Variants in FNIP1 observed in about 807,000 individuals in gnomAD.
The protein encoded by FNIP1 is folliculin interacting protein 1.
Under a neutral mutation model 124.5 loss-of-function variants are expected in FNIP1, and 40 were observed. The observed-to-expected ratio is 0.32, with a 90% CI of 0.25 to 0.42. The LOEUF (loss-of-function observed/expected upper bound fraction) is 0.42. Ranked by LOEUF, FNIP1 falls within the 10% of genes least tolerant of loss-of-function variation. FNIP1 has a pLI of 1.00. For synonymous variants in FNIP1, 472 were observed against 470.6 expected (o/e 1.00, Z -0.04); for missense variants, 1,176 against 1,403.7 (o/e 0.84, Z 2.59).
chr5:131,670,548 TAAG>T lies in FNIP1; in HGVS notation c.3020_3022del (p.Ser1007del). 1 of 1,613,854 alleles carries T rather than the reference TAAG, an allele frequency of 6.2e-7. No individual in the cohort carries two copies. Among genetic ancestry groups the T allele is most frequent in the Non-Finnish European group, 8.5e-7 (1 of 1,179,942 alleles). Reference sequence around the variant, plus strand: ...TCCTTGAAGAACAAAGTCAGGCACATAAGATGAGCAGTAGCCACCCAGCAAGGA... The same window carrying T: ...TCCTTGAAGAACAAAGTCAGGCACATATGAGCAGTAGCCACCCAGCAAGGA... On this transcript the variant is annotated inframe_deletion, in exon 15 of 18. Transcript: ENST00000510461.
intron 6 of FNIP1, among the ~76,000 whole-genome samples, chr5:131,714,366 T>C (rs559394236): frequency 1.1e-4 from 17 of 152,274 alleles, no homozygotes; most frequent in Non-Finnish European, 2.1e-4. Flanking sequence ...TTCCTTTACA[T>C]AGTCATTTCC....
At chr5:131,697,968 C>CAAAAAAAAAAA (rs753487190) in intron 11 of FNIP1, among the ~76,000 whole-genome samples, 9 of 58,672 alleles carry the variant, frequency 1.5e-4, no homozygotes, top group East Asian at 6.5e-4. Flanking sequence ...GACTCCACCT[C>CAAAAAAAAAAA]AAAAAAAAAA....
intron 1 of FNIP1, among the ~76,000 whole-genome samples, chr5:131,777,452 G>A (rs1196970468): frequency 6.6e-6 from 1 of 151,754 alleles, no homozygotes; most frequent in Non-Finnish European, 1.5e-5. Flanking sequence ...AACACACGGT[G>A]CCCGAAAAAA....
At chr5:131,650,805 T>G (rs1283469829) in intron 16 of FNIP1, among the ~76,000 whole-genome samples, 2 of 152,220 alleles carry the variant, frequency 1.3e-5, no homozygotes, top group Non-Finnish European at 2.9e-5. Flanking sequence ...AACTATGGTA[T>G]GTTATAGTTC....
At position 131,676,046 on chromosome 5, in the gene FNIP1, G is replaced by A. The variant is rs569069873; in HGVS notation, c.1519+1657C>T. 8.6e-5 allele frequency among the ~76,000 whole-genome samples: 13 copies of A among 150,778 alleles called. No homozygotes were observed. In the South Asian group the frequency reaches 2.7e-3, roughly 32 times the overall value. ...GCTAATTTTTTTTTTTTTTGAGACA[G>A]AGTCTTGCACTGTTGCCCAGGATGG... On this transcript the variant is annotated intron_variant, in intron 13 of 17. Coordinates refer to ENST00000510461, the MANE Select transcript of FNIP1 (RefSeq NM_133372.3).
chr5:131,699,137 G>A, intron 10 of FNIP1, 135 bp from the exon 11 acceptor site: 1 of 555,210 alleles, frequency 1.8e-6, no homozygotes, highest in Non-Finnish European at 3.0e-6. Flanking sequence ...AATAAAGAAA[G>A]TAAATGCATT....
chr5:131,787,895 G>T (rs532385008), intron 1 of FNIP1, among the ~76,000 whole-genome samples: 1 of 152,116 alleles, frequency 6.6e-6, no homozygotes, highest in South Asian at 2.1e-4. Context: ...ACCACTGCTC[G>T]AAGTGAAGTT....
chr5:131,687,432 T>C (rs2149522952), intron 11 of FNIP1, among the ~76,000 whole-genome samples: 1 of 152,262 alleles, frequency 6.6e-6, no homozygotes, highest in Middle Eastern at 3.4e-3. Context: ...CTCAACAAAG[T>C]TTTAAATCTT....
At chr5:131,681,493 C>T (rs1376785402) in intron 11 of FNIP1, among the ~76,000 whole-genome samples, 1 of 151,970 alleles carries the variant, frequency 6.6e-6, no homozygotes, top group Non-Finnish European at 1.5e-5. Context: ...CACACACATA[C>T]TCACCCATAT....
chr5:131,764,230 C>G (rs1025204440), intron 1 of FNIP1, among the ~76,000 whole-genome samples: 6 of 151,920 alleles, frequency 3.9e-5, no homozygotes, highest in Non-Finnish European at 8.8e-5. Flanking sequence ...AACCATGAGC[C>G]AATTAAACCT....
chr5:131,784,140 G>A (rs1164393646), intron 1 of FNIP1, among the ~76,000 whole-genome samples: 1 of 152,148 alleles, frequency 6.6e-6, no homozygotes, highest in African/African-American at 2.4e-5. Flanking sequence ...AGGGCTGGAA[G>A]GTTCCAAAAA....
intron 11 of FNIP1, among the ~76,000 whole-genome samples, chr5:131,682,323 T>A (rs1286813977): frequency 1.3e-5 from 2 of 152,212 alleles, no homozygotes; most frequent in Non-Finnish European, 2.9e-5. Context: ...GTATTATATA[T>A]GCTATGGCCT....
intron 1 of FNIP1, among the ~76,000 whole-genome samples, chr5:131,747,226 C>T (rs1455671163): frequency 1.3e-5 from 2 of 151,946 alleles, no homozygotes; most frequent in East Asian, 3.9e-4. Context: ...GTGGGTTGTC[C>T]ACCAGGCACA....
At chr5:131,708,485 T>C (rs897773425) in intron 8 of FNIP1, among the ~76,000 whole-genome samples, 2 of 152,212 alleles carry the variant, frequency 1.3e-5, no homozygotes, top group African/African-American at 2.4e-5. Context: ...AGCTTTTGCC[T>C]GGATAACTGC....
chr5:131,765,040 T>C (rs926767527), intron 1 of FNIP1, among the ~76,000 whole-genome samples: 2 of 152,010 alleles, frequency 1.3e-5, no homozygotes, highest in Non-Finnish European at 2.9e-5. Context: ...CTGGGCAACA[T>C]AGTGAGCCCC....
At chr5:131,716,372 G>C (rs558796915) in intron 6 of FNIP1, among the ~76,000 whole-genome samples, 193 bp downstream of exon 6, 7 of 152,184 alleles carry the variant, frequency 4.6e-5, no homozygotes, top group Non-Finnish European at 1.0e-4. Flanking sequence ...AATAAATATT[G>C]TGTTCAAATA....
At chr5:131,653,893 C>T (rs1364036659) in intron 15 of FNIP1, among the ~76,000 whole-genome samples, 1 of 152,138 alleles carries the variant, frequency 6.6e-6, no homozygotes, top group African/African-American at 2.4e-5. Flanking sequence ...AGGTGTGTGC[C>T]ACCACGCCCG....
At chr5:131,678,006 G>T in intron 12 of FNIP1, 134 bp from the exon 13 acceptor site, 1 of 762,680 alleles carries the variant, frequency 1.3e-6, no homozygotes. Context: ...AGAAGAGAGA[G>T]GAAAGGATGA....
At chr5:131,681,244 G>A (rs1006566968) in intron 11 of FNIP1, among the ~76,000 whole-genome samples, 8 of 152,134 alleles carry the variant, frequency 5.3e-5, no homozygotes, top group African/African-American at 1.9e-4. Flanking sequence ...ATTGTGGGGG[G>A]CGGTGGTATT....
Sources: allele counts gnomAD v4.1 joint callset (sites outside exome capture counted in the v4.1 genomes callset), GRCh38; gene constraint gnomAD v4.1.1; transcripts MANE v1.5; gene names NCBI Gene and HGNC (gene_info 2026-07-23, HGNC 2026-07-21).